Variants in TAOK3 observed in about 807,000 individuals in gnomAD.
TAOK3 encodes serine/threonine-protein kinase TAO3.
TAOK3 carries 40 observed loss-of-function variants against 120.4 expected under a neutral mutation model. That is an observed-to-expected ratio of 0.33 (90% CI 0.26 to 0.43). The LOEUF (loss-of-function observed/expected upper bound fraction) is 0.43, where lower values mean the gene tolerates loss of function less well. TAOK3 is among the 20% of genes least tolerant of loss of function. The probability of loss-of-function intolerance (pLI) is 1.00; values close to 1 mark genes in which losing one functional copy is unlikely to be tolerated. For missense variants in TAOK3, 821 were observed against 1,112.1 expected (o/e 0.74, Z 3.72); for synonymous variants, 355 against 387.5 (o/e 0.92, Z 0.99).
At chr12:118,236,363 A>G (rs181368106) in intron 7 of TAOK3, 1 of 152,342 alleles carries the variant, frequency 6.6e-6, no homozygotes, top group East Asian at 1.9e-4. Context: ...AAAGAATTGC[A>G]CGTGGTTACT....
At chr12:118,302,691 C>G (rs1234324591) in intron 1 of TAOK3, among the ~76,000 whole-genome samples, 1 of 152,046 alleles carries the variant, frequency 6.6e-6, no homozygotes, top group African/African-American at 2.4e-5. Flanking sequence ...ATTAGTCACT[C>G]AAGACATGTT....
rs535095860 is a variant in TAOK3 at position 118,372,193 on chromosome 12, C to T, written c.-194+455G>A. 6.6e-6 allele frequency among the ~76,000 whole-genome samples: 1 copy of T among 152,028 alleles called. No individual in the cohort carries two copies. The highest frequency in any genetic ancestry group is 2.0e-4 in the East Asian group (1 of 5,124). On this transcript the variant is annotated intron_variant, in intron 1 of 20. Coordinates refer to ENST00000392533, the MANE Select transcript of TAOK3 (RefSeq NM_016281.4). This position sits in a 1 kb window ranked among gnomAD's most constrained non-coding sequence, Gnocchi z 4.6. ...CCTCTCCCCGGGTGCTGTCCCAGCC[C>T]CTCTCGGGGTCCCCATCTCTCAGAC...
chr12:118,307,165 A>G (rs2043079365), intron 1 of TAOK3, among the ~76,000 whole-genome samples: 1 of 152,140 alleles, frequency 6.6e-6, no homozygotes, highest in African/African-American at 2.4e-5. Flanking sequence ...GCAAGAAGCA[A>G]TGAGGTTTTG....
intron 1 of TAOK3, among the ~76,000 whole-genome samples, chr12:118,350,953 C>T (rs1303073266): frequency 1.5e-4 from 22 of 147,958 alleles, no homozygotes; most frequent in Admixed American, 1.3e-4. Flanking sequence ...CTGAGGCAGG[C>T]GGATCACTTG....
intron 1 of TAOK3, among the ~76,000 whole-genome samples, chr12:118,334,449 C>T (rs994048033): frequency 8.5e-5 from 13 of 152,156 alleles, no homozygotes; most frequent in Non-Finnish European, 1.5e-4. Flanking sequence ...TTGCCAGGGC[C>T]GAGGGCTAGG....
intron 17 of TAOK3, among the ~76,000 whole-genome samples, chr12:118,168,541 G>A (rs1214722478): frequency 6.6e-6 from 1 of 152,182 alleles, no homozygotes; most frequent in East Asian, 1.9e-4. Flanking sequence ...AGCTTTATGT[G>A]TTTCTGTTTT....
Position 118,239,281 on chromosome 12 carries a change from G to C in TAOK3, c.295-9C>G. ...CAATATTCCATCACCAACTATAAGA[G>C]ATTAAAATAATATTCAGAATAATGA... On this transcript the variant is annotated splice_polypyrimidine_tract_variant and intron_variant, in intron 5 of 20. Transcript: ENST00000392533. 6.8e-7 allele frequency: 1 copy of C among 1,472,674 alleles called. No homozygotes were observed. Among genetic ancestry groups the C allele is most frequent in the Non-Finnish European group, 9.5e-7 (1 of 1,056,762 alleles). 91.2% of individuals were successfully genotyped at this position (1,472,674 alleles called of 1,614,324 possible).
chr12:118,234,788 T>C (rs546409037), intron 8 of TAOK3, among the ~76,000 whole-genome samples: 35 of 152,346 alleles, frequency 2.3e-4, no homozygotes, highest in African/African-American at 7.2e-4. Flanking sequence ...GTTCCAAAGA[T>C]ACTAAAACCT....
chr12:118,171,654 G>A (rs1263418516), intron 17 of TAOK3, among the ~76,000 whole-genome samples: 1 of 152,152 alleles, frequency 6.6e-6, no homozygotes, highest in Non-Finnish European at 1.5e-5. Context: ...ACCATGCCTG[G>A]CTGATGCACT....
chr12:118,366,929 A>C (rs1427161608), intron 1 of TAOK3, among the ~76,000 whole-genome samples: 4 of 152,150 alleles, frequency 2.6e-5, no homozygotes, highest in Non-Finnish European at 5.9e-5. Context: ...ATCTCTACTA[A>C]AATTACCAAA....
intron 2 of TAOK3, among the ~76,000 whole-genome samples, chr12:118,257,973 GA>G (rs1229468535): frequency 6.6e-6 from 1 of 152,100 alleles, no homozygotes; most frequent in African/African-American, 2.4e-5. Flanking sequence ...AGACACAAAT[GA>G]TAAAGTGGTT....
At chr12:118,329,851 C>G (rs974086258) in intron 1 of TAOK3, among the ~76,000 whole-genome samples, 2 of 152,180 alleles carry the variant, frequency 1.3e-5, no homozygotes, top group Non-Finnish European at 2.9e-5. Context: ...TATATAGCCA[C>G]TTCCGCCAGG....
Position 118,151,024 on chromosome 12 carries a change from T to C in TAOK3, c.2670A>G (p.Leu890=). The change falls in exon 21 of 21, where the codon TTA becomes TTG. Residue 890 remains leucine, a synonymous_variant. Coordinates refer to ENST00000392533, the MANE Select transcript of TAOK3 (RefSeq NM_016281.4). ...ATCTGTAGTCCTCCTTAGGAAAATC[T>C]AATGTAACCAAATTCCCAAATCCCA... ...LRMGFGNLVT[L]DFPKEDYR The C allele has an allele frequency of 6.2e-7, 1 of 1,612,014 alleles. No individual in the cohort carries two copies. Among genetic ancestry groups the C allele is most frequent in the Non-Finnish European group, 8.5e-7 (1 of 1,179,568 alleles).
intron 1 of TAOK3, among the ~76,000 whole-genome samples, chr12:118,318,314 C>T (rs533600341): frequency 3.9e-5 from 6 of 152,092 alleles, no homozygotes; most frequent in South Asian, 4.2e-4. Context: ...CGCACCACCA[C>T]GCCCAGCTAA....
intron 1 of TAOK3, among the ~76,000 whole-genome samples, chr12:118,348,659 C>A (rs1297770630): frequency 1.3e-5 from 2 of 151,910 alleles, no homozygotes; most frequent in Non-Finnish European, 2.9e-5. Flanking sequence ...ACCATGTTAG[C>A]CAGAATGGTC....
intron 1 of TAOK3, among the ~76,000 whole-genome samples, chr12:118,287,738 TACAC>T (rs953363720): frequency 6.6e-6 from 1 of 152,108 alleles, no homozygotes; most frequent in Non-Finnish European, 1.5e-5. Flanking sequence ...TTTATTCAGA[TACAC>T]ACATACACAC....
chr12:118,308,888 C>T (rs1018309625), intron 1 of TAOK3, among the ~76,000 whole-genome samples: 8 of 137,922 alleles, frequency 5.8e-5, no homozygotes, highest in African/African-American at 2.2e-4. Flanking sequence ...TGAGATCGCA[C>T]CACTGCACTC....
intron 9 of TAOK3, among the ~76,000 whole-genome samples, chr12:118,215,025 A>G (rs1036962640): frequency 2.0e-5 from 3 of 151,284 alleles, no homozygotes; most frequent in African/African-American, 7.3e-5. Flanking sequence ...GATTACAGGC[A>G]TGCGCCACTG....
intron 1 of TAOK3, among the ~76,000 whole-genome samples, chr12:118,303,927 C>T (rs1296339830): frequency 2.6e-5 from 4 of 152,168 alleles, no homozygotes; most frequent in African/African-American, 4.8e-5. Context: ...GGATTACAGG[C>T]GTGAGCCACC....
Sources: allele counts gnomAD v4.1 joint callset (sites outside exome capture counted in the v4.1 genomes callset), GRCh38; gene constraint gnomAD v4.1.1; non-coding constraint Gnocchi (gnomAD v3.1); transcripts MANE v1.5; gene names NCBI Gene and HGNC (gene_info 2026-07-23, HGNC 2026-07-21).